PREX2: variants seen among roughly 807,000 people sequenced by gnomAD.
The protein encoded by PREX2 is phosphatidylinositol 3,4,5-trisphosphate-dependent Rac exchanger 2 protein.
A neutral mutation model predicts 203.2 loss-of-function variants in PREX2; 107 were observed. The observed-to-expected ratio is 0.53, with a 90% CI of 0.45 to 0.62. The LOEUF (loss-of-function observed/expected upper bound fraction) is 0.62, where lower values mean the gene tolerates loss of function less well. Among genes scored for constraint, PREX2 ranks in the 20% least tolerant of loss-of-function variants. The pLI, the probability that PREX2 is intolerant of heterozygous loss-of-function variation, is 0.00. For synonymous variants in PREX2, 672 were observed against 663.6 expected (o/e 1.01, Z -0.19); for missense variants, 1,777 against 1,955.9 (o/e 0.91, Z 1.72).
chr8:68,217,061 C>A (rs1040871765), intron 37 of PREX2, among the ~76,000 whole-genome samples: 1 of 151,900 alleles, frequency 6.6e-6, no homozygotes, highest in Admixed American at 6.6e-5. Flanking sequence ...TTTCTCAGGG[C>A]TACTCTGGGT....
chr8:68,032,511 C>T (rs1367749931), intron 6 of PREX2, among the ~76,000 whole-genome samples: 1 of 152,120 alleles, frequency 6.6e-6, no homozygotes, highest in Non-Finnish European at 1.5e-5. Flanking sequence ...AGGGCCCAGT[C>T]AGTGGGTTTG....
intron 4 of PREX2, among the ~76,000 whole-genome samples, chr8:68,025,370 A>G (rs949207793): frequency 6.6e-6 from 1 of 152,060 alleles, no homozygotes; most frequent in South Asian, 2.1e-4. Context: ...GGCATCTGCT[A>G]TAATTGTATG....
chr8:68,166,126 T>A (rs1437724890), intron 35 of PREX2, among the ~76,000 whole-genome samples: 2 of 152,150 alleles, frequency 1.3e-5, no homozygotes, highest in Non-Finnish European at 2.9e-5. Flanking sequence ...ATCATCTGTC[T>A]AAAGACAGAG....
intron 4 of PREX2, among the ~76,000 whole-genome samples, chr8:68,023,492 G>A (rs1019971901): frequency 6.6e-6 from 1 of 152,098 alleles, no homozygotes; most frequent in African/African-American, 2.4e-5. Flanking sequence ...ATATTGAGCT[G>A]TAAATGTTTG....
intron 31 of PREX2, among the ~76,000 whole-genome samples, chr8:68,132,715 C>A (rs1439758555): frequency 1.3e-5 from 2 of 152,116 alleles, no homozygotes; most frequent in Non-Finnish European, 2.9e-5. Context: ...CTAATATTGA[C>A]AATGCTTCTT....
chr8:68,052,307 C>T (rs191131962), intron 8 of PREX2, among the ~76,000 whole-genome samples: 126 of 152,212 alleles, frequency 8.3e-4, no homozygotes, highest in African/African-American at 3.0e-3. Flanking sequence ...ACTGTCATGC[C>T]AGTAAAGGTC....
chr8:68,211,629 G>C (rs532706187), intron 37 of PREX2, among the ~76,000 whole-genome samples: 1 of 152,188 alleles, frequency 6.6e-6, no homozygotes, highest in Non-Finnish European at 1.5e-5. Flanking sequence ...CCTGGGTACA[G>C]CTCCATAAGA....
Position 68,234,765 on chromosome 8 carries a change from T to A in PREX2, c.*3387T>A, listed in dbSNP as rs1220055471. 1 of 152,162 alleles carries A rather than the reference T, an allele frequency of 6.6e-6. No individual in the cohort carries two copies. The highest frequency in any genetic ancestry group is 2.4e-5 in the African/African-American group (1 of 41,458). 9.4% of individuals were successfully genotyped at this position (152,162 alleles called of 1,614,324 possible). Reference sequence around the variant, plus strand: ...GTGGCTTGGGTTCATTGTGCATTCATTGGCCACTCTTCTTGCAGCAAATTT... The same window carrying A: ...GTGGCTTGGGTTCATTGTGCATTCAATGGCCACTCTTCTTGCAGCAAATTT... On this transcript the variant is annotated 3_prime_UTR_variant, in exon 40 of 40. Transcript: ENST00000288368.
intron 39 of PREX2, among the ~76,000 whole-genome samples, chr8:68,227,870 T>G (rs75471001): frequency 0.024 from 3,584 of 152,282 alleles, 156 homozygotes; most frequent in African/African-American, 0.082. Context: ...GGGAGGGATG[T>G]TTCTTGGACA....
In PREX2 at chr8:68,158,161, A is replaced by G. The variant is rs923451698; in HGVS notation, c.4346+725A>G. Among the ~76,000 whole-genome samples, 4 of 150,164 alleles carry G rather than the reference A, an allele frequency of 2.7e-5. No individual in the cohort carries two copies. The East Asian group carries it at 7.8e-4, about 29-fold the overall frequency. On this transcript the variant is annotated intron_variant, in intron 35 of 39. Coordinates refer to ENST00000288368, the MANE Select transcript of PREX2 (RefSeq NM_024870.4). ...CACACATATATGAATATATATGTGTATATATATTCACACACACATATCTCC... is the reference window on the plus strand; with the variant it reads ...CACACATATATGAATATATATGTGTGTATATATTCACACACACATATCTCC...
At chr8:68,016,345 C>T (rs1203873357) in intron 1 of PREX2, among the ~76,000 whole-genome samples, 1 of 151,944 alleles carries the variant, frequency 6.6e-6, no homozygotes, top group Non-Finnish European at 1.5e-5. Context: ...AATTTTTTCA[C>T]CAGACAGTAT....
At chr8:68,014,894 T>G (rs1807370068) in intron 1 of PREX2, among the ~76,000 whole-genome samples, 1 of 152,172 alleles carries the variant, frequency 6.6e-6, no homozygotes, top group South Asian at 2.1e-4. Context: ...GTCAGACCTC[T>G]GGGGATAGGA....
intron 39 of PREX2, among the ~76,000 whole-genome samples, chr8:68,228,000 A>G (rs922069812): frequency 6.6e-6 from 1 of 152,160 alleles, no homozygotes; most frequent in Non-Finnish European, 1.5e-5. Flanking sequence ...ATGCACACAA[A>G]GAGCTTGCAG....
At chr8:68,175,207 G>A (rs1811954935) in intron 35 of PREX2, among the ~76,000 whole-genome samples, 1 of 152,162 alleles carries the variant, frequency 6.6e-6, no homozygotes, top group Admixed American at 6.6e-5. Context: ...CAGTGGAGAA[G>A]CTGTTTCAGA....
At chr8:67,981,965 A>G (rs1806285870) in intron 1 of PREX2, among the ~76,000 whole-genome samples, 1 of 152,184 alleles carries the variant, frequency 6.6e-6, no homozygotes. Context: ...TATATACTCT[A>G]TCTGGTTTAA....
chr8:68,079,150 G>A (rs971007870), intron 15 of PREX2, among the ~76,000 whole-genome samples: 6 of 152,260 alleles, frequency 3.9e-5, no homozygotes, highest in Middle Eastern at 3.4e-3. Context: ...GCAAGACCCC[G>A]TCTCTACAGA....
In PREX2 at chr8:68,057,114, G is replaced by A. The variant is rs183399525; in HGVS notation, c.1238+1140G>A. Among the ~76,000 whole-genome samples, 482 of 152,214 alleles carry A rather than the reference G, an allele frequency of 3.2e-3. 1 individual carries two copies. The highest frequency in any genetic ancestry group is 5.7e-3 in the Non-Finnish European group (387 of 68,004). On this transcript the variant is annotated intron_variant, in intron 10 of 39. Coordinates refer to ENST00000288368, the MANE Select transcript of PREX2 (RefSeq NM_024870.4). Reference sequence around the variant, plus strand: ...TAGTGGGAAGTGATGGGATCATGGGGGTGGCTTCCACCTTGCTGGTCTCAT... The same window carrying A: ...TAGTGGGAAGTGATGGGATCATGGGAGTGGCTTCCACCTTGCTGGTCTCAT...
chr8:68,197,582 C>G (rs1466238327), intron 37 of PREX2, among the ~76,000 whole-genome samples: 5 of 151,770 alleles, frequency 3.3e-5, no homozygotes, highest in Admixed American at 3.3e-4. Context: ...CCTAAAGGCC[C>G]CATCTCTTAA....
chr8:68,116,562 G>A (rs1374234480), intron 26 of PREX2, among the ~76,000 whole-genome samples: 1 of 152,208 alleles, frequency 6.6e-6, no homozygotes, highest in Non-Finnish European at 1.5e-5. Context: ...TGAAGGCTGT[G>A]GAGGAAGGAT....
Sources: allele counts gnomAD v4.1 joint callset (sites outside exome capture counted in the v4.1 genomes callset), GRCh38; gene constraint gnomAD v4.1.1; transcripts MANE v1.5; gene names NCBI Gene and HGNC (gene_info 2026-07-23, HGNC 2026-07-21).